The following SCN7A variants were observed in gnomAD, a reference collection of about 807,000 sequenced individuals.
The protein encoded by SCN7A is sodium voltage-gated channel alpha subunit 7.
In SCN7A, 138 loss-of-function variants were observed where a neutral mutation model predicts 155.2. The ratio of observed to expected loss-of-function variants is 0.89; its 90% CI spans 0.77 to 1.02. SCN7A has a LOEUF of 1.02. SCN7A is among the 50% of genes least tolerant of loss of function. SCN7A has a pLI of 0.00. For synonymous variants in SCN7A, 693 were observed against 649.0 expected, an observed-to-expected ratio of 1.07 and a Z score of -1.03; for missense variants, 2,058 against 1,986.6, an observed-to-expected ratio of 1.04 and a Z score of -0.68.
At chr2:166,474,386 C>T (rs764702130) in intron 3 of SCN7A, 42 bp from the exon 4 acceptor site, 13 of 842,414 alleles carry the variant, frequency 1.5e-5, no homozygotes, top group South Asian at 2.0e-5. Flanking sequence ...GAACTCAGAA[C>T]CATAATCTCA....
rs1374074732 is a variant in SCN7A at position 166,477,704 on chromosome 2, T to A, written c.-8A>T. The A allele has an allele frequency of 6.5e-7, 1 of 1,533,922 alleles. No homozygotes were observed. Among genetic ancestry groups the A allele is most frequent in the Non-Finnish European group, 8.7e-7 (1 of 1,145,656 alleles). The stretch of plus-strand genomic sequence containing the variant: ...TTCTGGTGAAGCCAACATTTCCAAT[T>A]TTGTACCTGCAAAAAATTCTGTATT... On this transcript the variant is annotated 5_prime_UTR_variant, in exon 3 of 26. Transcript: ENST00000643258.
At chr2:166,454,493 G>T (rs1414759569) in intron 11 of SCN7A, among the ~76,000 whole-genome samples, 1 of 152,102 alleles carries the variant, frequency 6.6e-6, no homozygotes, top group Non-Finnish European at 1.5e-5. Context: ...TTCTTGACTG[G>T]TCATGACTTA....
chr2:166,461,416 C>T (rs554047794), intron 10 of SCN7A, among the ~76,000 whole-genome samples: 1 of 152,266 alleles, frequency 6.6e-6, no homozygotes, highest in East Asian at 1.9e-4. Flanking sequence ...TCATACCTTT[C>T]TGAGAAACTA....
chr2:166,446,874 T>C (rs193148501), intron 12 of SCN7A, among the ~76,000 whole-genome samples: 21 of 151,872 alleles, frequency 1.4e-4, no homozygotes, highest in Non-Finnish European at 3.1e-4. Context: ...GACCTGTCGG[T>C]GGGTAGGGGG....
At chr2:166,440,986 A>C (rs963417625) in intron 15 of SCN7A, 56 of 234,574 alleles carry the variant, frequency 2.4e-4, no homozygotes, top group Admixed American at 4.2e-4. Flanking sequence ...TACACTACCC[A>C]GAATGACATG....
Position 166,405,758 on chromosome 2 carries a change from T to A in SCN7A, c.4871A>T (p.Gln1624Leu), listed in dbSNP as rs764963248. 7 of 1,612,914 alleles carry A rather than the reference T, an allele frequency of 4.3e-6. No individual in the cohort carries two copies. In the African/African-American group the frequency reaches 9.4e-5, roughly 22 times the overall value. ...AATGATGGTTGCTGAAACTGCCTCT[T>A]GTTTTCGTTTCAAAGTAGTCGTAAT... ...EPITTTLKRK[Q>L]EAVSATIIQR... Residue 1624 changes from glutamine to leucine, a missense_variant, in exon 26 of 26, where the codon CAA becomes CTA. Coordinates refer to ENST00000643258, the MANE Select transcript of SCN7A (RefSeq NM_002976.4).
chr2:166,485,081 A>C (rs545135042), intron 2 of SCN7A, among the ~76,000 whole-genome samples: 2 of 152,158 alleles, frequency 1.3e-5, no homozygotes, highest in African/African-American at 4.8e-5. Flanking sequence ...CTACTAATAC[A>C]CATAACAATG....
At chr2:166,420,016 G>A (rs1160880097) in intron 20 of SCN7A, among the ~76,000 whole-genome samples, 2 of 151,842 alleles carry the variant, frequency 1.3e-5, no homozygotes, top group African/African-American at 4.8e-5. Flanking sequence ...TGAATTACAA[G>A]AATATTATAA....
Position 166,409,911 on chromosome 2 carries a change from C to T in SCN7A, c.3736G>A (p.Asp1246Asn). 6.4e-7 allele frequency: 1 copy of T among 1,568,508 alleles called. No homozygotes were observed. The highest frequency in any genetic ancestry group is 8.7e-7 in the Non-Finnish European group (1 of 1,155,338). The stretch of plus-strand genomic sequence containing the variant: ...TTAAAAGCTTGGCTTGTTACCACAT[C>T]AAAGATGAATCCTTGGAGCTTGTTC... ...PLNKLQGFIF[D>N]VVTSQAFNVI... The change falls in exon 25 of 26, where the codon GAT (aspartate) becomes AAT (asparagine). Residue 1246 changes from aspartate (D) to asparagine (N), a missense_variant. Physicochemically the swap from Asp to Asn is conservative, Grantham distance 23. Coordinates refer to ENST00000643258, the MANE Select transcript of SCN7A (RefSeq NM_002976.4).
chr2:166,409,171 T>C (rs535194021), intron 25 of SCN7A, among the ~76,000 whole-genome samples: 165 of 152,160 alleles, frequency 1.1e-3, no homozygotes, highest in Non-Finnish European at 2.1e-3. Context: ...CAAAGAGAAT[T>C]ATCAAGTGTA....
chr2:166,412,062 C>T (rs939246771), intron 23 of SCN7A, among the ~76,000 whole-genome samples: 38 of 152,166 alleles, frequency 2.5e-4, no homozygotes, highest in African/African-American at 8.4e-4. Flanking sequence ...GGTTCAAGCA[C>T]TCCTACTTAG....
intron 19 of SCN7A, among the ~76,000 whole-genome samples, chr2:166,422,056 G>C (rs909828872): frequency 6.6e-6 from 1 of 152,082 alleles, no homozygotes; most frequent in Non-Finnish European, 1.5e-5. Flanking sequence ...ACAGAACAGT[G>C]ACTAGGAAAC....
intron 17 of SCN7A, among the ~76,000 whole-genome samples, chr2:166,428,825 A>G (rs949141904): frequency 3.9e-5 from 6 of 152,094 alleles, no homozygotes; most frequent in Non-Finnish European, 5.9e-5. Flanking sequence ...TTTAGAACAG[A>G]GCACAATTTA....
At chr2:166,434,694 T>C (rs1225827416) in intron 15 of SCN7A, among the ~76,000 whole-genome samples, 3 of 152,154 alleles carry the variant, frequency 2.0e-5, no homozygotes, top group African/African-American at 4.8e-5. Context: ...TTTCCTGATA[T>C]AAGATGGTGA....
chr2:166,416,702 C>T lies in SCN7A; in HGVS notation c.3414+5G>A. ...TTAATAAGGAAAAGTCAAAAGTGTACTTACTACTTGAAGCAGAGAAAGGAA... is the reference window on the plus strand; with the variant it reads ...TTAATAAGGAAAAGTCAAAAGTGTATTTACTACTTGAAGCAGAGAAAGGAA... On this transcript the variant is annotated splice_donor_5th_base_variant and intron_variant, in intron 21 of 25. Coordinates refer to ENST00000643258, the MANE Select transcript of SCN7A (RefSeq NM_002976.4). The T allele has an allele frequency of 6.3e-7, 1 of 1,595,398 alleles. No homozygotes were observed. The highest frequency in any genetic ancestry group is 1.3e-5 in the African/African-American group (1 of 74,564).
At chr2:166,476,144 A>AC (rs1702792663) in intron 3 of SCN7A, among the ~76,000 whole-genome samples, 2 of 152,006 alleles carry the variant, frequency 1.3e-5, no homozygotes, top group Non-Finnish European at 2.9e-5. Context: ...AAGCATGTAT[A>AC]TTATAACAAT....
rs1427510987 is a variant in SCN7A, at chr2:166,429,275, C to T, written c.2593-1G>A. On this transcript the variant is annotated splice_acceptor_variant, in intron 16 of 25. Coordinates refer to ENST00000643258, the MANE Select transcript of SCN7A (RefSeq NM_002976.4). LOFTEE classifies it high-confidence loss of function. The stretch of plus-strand genomic sequence containing the variant: ...CAGATGAGCTAGATTGCTTTATTTT[C>T]TAAAAGGTGAAGTCCCACCAAAAAA... 3 of 1,512,120 alleles carry T rather than the reference C, an allele frequency of 2.0e-6. No individual in the cohort carries two copies. The highest frequency in any genetic ancestry group is 2.7e-6 in the Non-Finnish European group (3 of 1,123,724). The allele number at this position is 1,512,120 out of a possible 1,614,324, so 93.7% of individuals were successfully genotyped here.
rs202105242 is a variant in SCN7A, at chr2:166,475,851, G to A, written c.235-1507C>T. Among the ~76,000 whole-genome samples, 297 of 151,988 alleles carry A rather than the reference G, an allele frequency of 2.0e-3. 3 individuals are homozygous for A. Among genetic ancestry groups the A allele is most frequent in the African/African-American group, 6.9e-3 (287 of 41,514 alleles). On this transcript the variant is annotated intron_variant, in intron 3 of 25. Transcript: ENST00000643258. ...ACAGCACTTTTCTACCAAGCTATCC[G>A]TGCAGTTCTTGCTCCAGATGTTTCA...
chr2:166,404,960 A>G lies in SCN7A; in HGVS notation c.*620T>C, dbSNP rs1318956191. 2 of 151,908 alleles carry G rather than the reference A, an allele frequency of 1.3e-5. No homozygotes were observed. Among genetic ancestry groups the G allele is most frequent in the Non-Finnish European group, 2.9e-5 (2 of 67,928 alleles). 9.4% of individuals were successfully genotyped at this position (151,908 alleles called of 1,614,324 possible). A position where few individuals can be genotyped will look rare whatever the true frequency, so the allele number is the denominator to read the frequency against. On this transcript the variant is annotated 3_prime_UTR_variant, in exon 26 of 26. Transcript: ENST00000643258. ...AGGAGCTTGAGCACAATGAAATCCT[A>G]TTCATTCCCAGTTCCAAATGAAAAC...
Sources: allele counts gnomAD v4.1 joint callset (sites outside exome capture counted in the v4.1 genomes callset), GRCh38; gene constraint gnomAD v4.1.1; transcripts MANE v1.5; gene names NCBI Gene and HGNC (gene_info 2026-07-23, HGNC 2026-07-21).